Variants in DPF3 observed in about 807,000 individuals in gnomAD.
The protein encoded by DPF3 is double PHD fingers 3.
DPF3 carries 18 observed loss-of-function variants against 56.8 expected under a neutral mutation model. The ratio of observed to expected loss-of-function variants is 0.32; its 90% CI spans 0.22 to 0.47. The LOEUF (loss-of-function observed/expected upper bound fraction) is 0.47, where lower values mean the gene tolerates loss of function less well. Ranked by LOEUF, DPF3 falls within the 20% of genes least tolerant of loss-of-function variation. DPF3 has a pLI of 1.00. For missense variants in DPF3, 403 were observed against 488.8 expected, an observed-to-expected ratio of 0.82 and a Z score of 1.65; for synonymous variants, 188 against 180.2, an observed-to-expected ratio of 1.04 and a Z score of -0.35.
chr14:72,775,311 C>A lies in DPF3; in HGVS notation c.33-3418G>T, dbSNP rs180886601. Among the ~76,000 whole-genome samples the A allele has an allele frequency of 9.3e-5, 14 of 150,534 alleles. No homozygotes were observed. In the East Asian group the frequency reaches 1.6e-3, roughly 17 times the overall value. On this transcript the variant is annotated intron_variant, in intron 1 of 10. Coordinates refer to ENST00000556509, the MANE Select transcript of DPF3 (RefSeq NM_001280542.3). The stretch of plus-strand genomic sequence containing the variant: ...ACTTTCAAAATAAATTTCTGGAAAC[C>A]AATACAAAAGAAATCTACACAGTAG...
intron 3 of DPF3, among the ~76,000 whole-genome samples, chr14:72,737,958 C>T (rs1243437034): frequency 1.3e-5 from 2 of 151,786 alleles, no homozygotes; most frequent in Non-Finnish European, 2.9e-5. Flanking sequence ...GCAGTTTTCT[C>T]GTCTGGGTGC....
intron 1 of DPF3, among the ~76,000 whole-genome samples, chr14:72,876,711 G>A (rs545125644): frequency 2.6e-5 from 4 of 152,186 alleles, no homozygotes; most frequent in South Asian, 2.1e-4. Context: ...TCACCCTCCC[G>A]AGCCTAACCA....
chr14:72,738,096 G>A (rs1204955877), intron 3 of DPF3, among the ~76,000 whole-genome samples: 2 of 152,098 alleles, frequency 1.3e-5, no homozygotes, highest in Non-Finnish European at 2.9e-5. Flanking sequence ...CGTGAGGAGG[G>A]AGAAGGGAGG....
chr14:72,689,375 A>AG (rs1384394359), intron 7 of DPF3, among the ~76,000 whole-genome samples: 1 of 152,096 alleles, frequency 6.6e-6, no homozygotes, highest in Non-Finnish European at 1.5e-5. Context: ...GCTCTGCTAA[A>AG]GGGGGAAAAA....
At chr14:72,759,009 A>C (rs1442545353) in intron 2 of DPF3, among the ~76,000 whole-genome samples, 3 of 152,242 alleles carry the variant, frequency 2.0e-5, no homozygotes, top group Admixed American at 6.5e-5. Context: ...AAACCAACCC[A>C]GAACTGAAAC....
intron 1 of DPF3, among the ~76,000 whole-genome samples, chr14:72,804,422 AAAC>A (rs1194067016): frequency 7.2e-5 from 11 of 152,224 alleles, no homozygotes; most frequent in East Asian, 1.9e-4. Context: ...CACCAGGAGC[AAAC>A]AACAACAAAA....
intron 1 of DPF3, among the ~76,000 whole-genome samples, chr14:72,881,866 T>C (rs1302747051): frequency 6.6e-6 from 1 of 152,054 alleles, no homozygotes; most frequent in Non-Finnish European, 1.5e-5. Context: ...GTGACTTAAG[T>C]TTCATGTTTT....
intron 1 of DPF3, among the ~76,000 whole-genome samples, chr14:72,843,579 G>C (rs910283331): frequency 2.6e-5 from 4 of 152,134 alleles, no homozygotes; most frequent in Admixed American, 2.0e-4. Context: ...TTTCACTCTG[G>C]TTGCCCAGGC....
chr14:72,635,354 G>A (rs139037879), intron 8 of DPF3, among the ~76,000 whole-genome samples: 3 of 152,346 alleles, frequency 2.0e-5, no homozygotes, highest in East Asian at 3.9e-4. Flanking sequence ...TGAGAGCAGT[G>A]ACAGCAGCCT....
At chr14:72,719,868 C>T (rs1258700036) in intron 5 of DPF3, among the ~76,000 whole-genome samples, 1 of 152,112 alleles carries the variant, frequency 6.6e-6, no homozygotes, top group African/African-American at 2.4e-5. Flanking sequence ...ATTCATCCAA[C>T]GTGTAGTAAG....
intron 8 of DPF3, among the ~76,000 whole-genome samples, chr14:72,642,463 T>C (rs932453510): frequency 6.6e-6 from 1 of 152,256 alleles, no homozygotes; most frequent in Admixed American, 6.5e-5. Flanking sequence ...TTTTAGATCA[T>C]TTATCTCTTC....
rs533335026 is a variant in DPF3, at chr14:72,823,606, A to G, written c.33-51713T>C. Reference sequence around the variant, plus strand: ...CAGGGGAATCTTCCATTTCCAAGACATTTCTGCACTCGATCCTGCTCCCCA... The same window carrying G: ...CAGGGGAATCTTCCATTTCCAAGACGTTTCTGCACTCGATCCTGCTCCCCA... On this transcript the variant is annotated intron_variant, in intron 1 of 10. Coordinates refer to ENST00000556509, the MANE Select transcript of DPF3 (RefSeq NM_001280542.3). 3.9e-5 allele frequency among the ~76,000 whole-genome samples: 6 copies of G among 152,238 alleles called. No individual in the cohort carries two copies. In the East Asian group the frequency reaches 9.7e-4, roughly 25 times the overall value.
At chr14:72,732,110 A>G (rs1284198301) in intron 3 of DPF3, among the ~76,000 whole-genome samples, 176 bp from the exon 4 acceptor site, 1 of 152,182 alleles carries the variant, frequency 6.6e-6, no homozygotes, top group Non-Finnish European at 1.5e-5. Flanking sequence ...TCTCCATTTC[A>G]TAATCCAGAG....
intron 5 of DPF3, among the ~76,000 whole-genome samples, chr14:72,716,799 T>G (rs1202108946): frequency 6.6e-6 from 1 of 152,194 alleles, no homozygotes; most frequent in African/African-American, 2.4e-5. Context: ...TGTTATTGCT[T>G]CTTCCTCCAA....
chr14:72,635,955 T>C (rs972064826), intron 8 of DPF3, among the ~76,000 whole-genome samples: 1 of 152,248 alleles, frequency 6.6e-6, no homozygotes, highest in African/African-American at 2.4e-5. Context: ...TATTTATTCA[T>C]TGTGAAATTA....
At chr14:72,627,006 C>A (rs2153566650) in intron 9 of DPF3, among the ~76,000 whole-genome samples, 1 of 150,000 alleles carries the variant, frequency 6.7e-6, no homozygotes, top group East Asian at 2.0e-4. Context: ...CATTTCCTAT[C>A]AGGTTTCTGG....
chr14:72,735,003 G>T (rs1159135899), intron 3 of DPF3, among the ~76,000 whole-genome samples: 1 of 152,170 alleles, frequency 6.6e-6, no homozygotes, highest in Non-Finnish European at 1.5e-5. Context: ...GGGCAGTGCA[G>T]CTTATAGAGG....
At chr14:72,827,981 TATA>T (rs1358266153) in intron 1 of DPF3, among the ~76,000 whole-genome samples, 1 of 152,140 alleles carries the variant, frequency 6.6e-6, no homozygotes, top group Non-Finnish European at 1.5e-5. Flanking sequence ...GTAATGGTGA[TATA>T]ATAATTCAAA....
chr14:72,677,132 T>C (rs1451774469), intron 7 of DPF3, among the ~76,000 whole-genome samples: 13 of 152,148 alleles, frequency 8.5e-5, no homozygotes, highest in East Asian at 7.7e-4. Context: ...TAAAATCCCA[T>C]GTATAGGCCC....
Sources: gnomAD v4.1 joint callset for allele counts (sites outside exome capture counted in the v4.1 genomes callset) on GRCh38, gnomAD v4.1.1 for gene constraint, MANE v1.5 for transcripts, NCBI Gene and HGNC (gene_info 2026-07-23, HGNC 2026-07-21) for gene names.